Variants in GPM6B observed in about 807,000 individuals in gnomAD.
GPM6B encodes the protein glycoprotein M6B, also known as neuronal membrane glycoprotein M6-b.
Under a neutral mutation model 27.2 loss-of-function variants are expected in GPM6B, and 4 were observed. The observed-to-expected ratio is 0.15, with a 90% CI of 0.07 to 0.34. The LOEUF is 0.34. Ranked by LOEUF, GPM6B falls within the 10% of genes least tolerant of loss-of-function variation. GPM6B has a pLI of 1.00. For missense variants in GPM6B, 183 were observed against 261.9 expected (o/e 0.70, Z 2.08); for synonymous variants, 124 against 103.1 (o/e 1.20, Z -1.23).
chrX:13,859,268 T>C (rs1569265592), intron 1 of GPM6B, among the ~76,000 whole-genome samples: 1 of 112,112 alleles, frequency 8.9e-6, no homozygotes, highest in Non-Finnish European at 1.9e-5. Flanking sequence ...TGGCAACCAC[T>C]GATCTACTTT....
At chrX:13,777,158 A>G (rs1243297535) in intron 6 of GPM6B, among the ~76,000 whole-genome samples, 194 bp downstream of exon 6, 6 of 112,059 alleles carry the variant, frequency 5.4e-5, no homozygotes, top group African/African-American at 1.9e-4. Flanking sequence ...GTGTTGGACC[A>G]TATGAAGTGA....
intron 1 of GPM6B, among the ~76,000 whole-genome samples, chrX:13,902,352 T>C (rs1199821589): frequency 1.8e-5 from 2 of 110,866 alleles, no homozygotes; most frequent in Admixed American, 9.6e-5. Flanking sequence ...GCATTTACGT[T>C]GATTATTTCA....
At position 13,937,289 on chromosome X, in the gene GPM6B, A is replaced by G. The variant is rs1921885444; in HGVS notation, c.-198+1038T>C. Among the ~76,000 whole-genome samples the G allele has an allele frequency of 2.7e-5, 3 of 112,094 alleles. No individual in the cohort carries two copies. In the Admixed American group the frequency reaches 2.8e-4, roughly 11 times the overall value. On this transcript the variant is annotated intron_variant, in intron 1 of 6. Transcript: ENST00000398361. Reference sequence around the variant, plus strand: ...TAAATTTTTTAAAAATGTAAACCAGAAAATTATTTGAGCTTCCTTTGAAAT... The same window carrying G: ...TAAATTTTTTAAAAATGTAAACCAGGAAATTATTTGAGCTTCCTTTGAAAT...
chrX:13,921,059 T>C (rs1011159302), intron 1 of GPM6B, among the ~76,000 whole-genome samples: 2 of 112,426 alleles, frequency 1.8e-5, no homozygotes, highest in Non-Finnish European at 3.7e-5. Context: ...TTTTATATCA[T>C]ATATGCTATC....
intron 6 of GPM6B, among the ~76,000 whole-genome samples, chrX:13,776,619 G>A (rs1010402938): frequency 4.5e-5 from 5 of 112,325 alleles, no homozygotes; most frequent in Non-Finnish European, 9.4e-5. Context: ...TCAAGCCACT[G>A]CATATTATGG....
At chrX:13,837,567 C>A (rs1361040502) in intron 1 of GPM6B, among the ~76,000 whole-genome samples, 1 of 111,299 alleles carries the variant, frequency 9.0e-6, no homozygotes, top group African/African-American at 3.3e-5. Flanking sequence ...CATAATGCCA[C>A]CTTCTCCTCT....
chrX:13,804,784 C>A (rs1388291604), intron 2 of GPM6B, among the ~76,000 whole-genome samples: 1 of 89,492 alleles, frequency 1.1e-5, no homozygotes, highest in Non-Finnish European at 2.1e-5. Flanking sequence ...AGGCTGACAA[C>A]TCTGCAAAAA....
chrX:13,860,871 G>C (rs1003723894), intron 1 of GPM6B, among the ~76,000 whole-genome samples: 1 of 108,578 alleles, frequency 9.2e-6, no homozygotes, highest in Non-Finnish European at 1.9e-5. Context: ...ATACAACTGA[G>C]AACATGCAAT....
intron 1 of GPM6B, among the ~76,000 whole-genome samples, chrX:13,858,519 C>T (rs1233374534): frequency 9.0e-6 from 1 of 111,582 alleles, no homozygotes; most frequent in Non-Finnish European, 1.9e-5. Context: ...AGGGTAAGAA[C>T]CAGTACACAC....
At chrX:13,813,919 A>T (rs1347112146) in intron 1 of GPM6B, among the ~76,000 whole-genome samples, 1 of 112,352 alleles carries the variant, frequency 8.9e-6, no homozygotes, top group African/African-American at 3.2e-5. Context: ...TTCCTTAAAA[A>T]TCCCTAAATA....
At chrX:13,856,708 T>TTA (rs56181406) in intron 1 of GPM6B, among the ~76,000 whole-genome samples, 18 of 41,538 alleles carry the variant, frequency 4.3e-4, no homozygotes, top group African/African-American at 9.0e-4. Context: ...TTTTTTATTA[T>TTA]TTTTTTTTTT....
At chrX:13,776,070 A>G (rs2048407786) in intron 7 of GPM6B, 168 bp downstream of exon 7, 3 of 475,693 alleles carry the variant, frequency 6.3e-6, no homozygotes, top group Admixed American at 6.4e-5. Context: ...CAACCAACTA[A>G]TACTTTCTGT....
chrX:13,846,486 T>A (rs368741685), intron 1 of GPM6B, among the ~76,000 whole-genome samples: 101 of 111,293 alleles, frequency 9.1e-4, no homozygotes, highest in Middle Eastern at 9.3e-3. Context: ...CATCTTTTTT[T>A]TTATTTTTTA....
At chrX:13,837,989 A>G (rs972526771) in intron 1 of GPM6B, among the ~76,000 whole-genome samples, 1 of 111,354 alleles carries the variant, frequency 9.0e-6, no homozygotes, top group Non-Finnish European at 1.9e-5. Context: ...ATGGAGCATG[A>G]CATCACCTTT....
At chrX:13,838,671 A>C (rs753055755) in intron 1 of GPM6B, among the ~76,000 whole-genome samples, 1 of 112,141 alleles carries the variant, frequency 8.9e-6, no homozygotes, top group East Asian at 2.8e-4. Flanking sequence ...AGGCTCTGGA[A>C]GGCCCATGCA....
At chrX:13,856,587 C>T (rs991104265) in intron 1 of GPM6B, among the ~76,000 whole-genome samples, 4 of 112,347 alleles carry the variant, frequency 3.6e-5, no homozygotes, top group South Asian at 3.7e-4. Context: ...CGAATGACCA[C>T]GGATTTAATC....
In GPM6B at chrX:13,845,269, C is replaced by T. The variant is rs146881672; in HGVS notation, c.-197-59461G>A. ...CCTCCCAAAGTGCCGGGATTACAGGCATGAGCCACTGCACCTGGCCAGAAT... is the reference window on the plus strand; with the variant it reads ...CCTCCCAAAGTGCCGGGATTACAGGTATGAGCCACTGCACCTGGCCAGAAT... On this transcript the variant is annotated intron_variant, in intron 1 of 6. Coordinates refer to the GPM6B transcript ENST00000398361. 1.7e-4 allele frequency among the ~76,000 whole-genome samples: 19 copies of T among 112,043 alleles called. No homozygotes were observed. The East Asian group carries it at 5.3e-3, about 31-fold the overall frequency.
At chrX:13,874,526 C>A (rs1327170792) in intron 1 of GPM6B, among the ~76,000 whole-genome samples, 1 of 86,049 alleles carries the variant, frequency 1.2e-5, no homozygotes, top group Non-Finnish European at 2.3e-5. Context: ...GGTGAAACCC[C>A]ATCTCTACTA....
chrX:13,864,044 TTGG>T (rs1484672461), intron 1 of GPM6B, among the ~76,000 whole-genome samples: 1 of 111,412 alleles, frequency 9.0e-6, no homozygotes, highest in African/African-American at 3.3e-5. Context: ...CAGTGAGAGG[TTGG>T]TGAAGACAAG....
Sources: allele counts gnomAD v4.1 joint callset (sites outside exome capture counted in the v4.1 genomes callset), GRCh38; gene constraint gnomAD v4.1.1; transcripts MANE v1.5; gene names NCBI Gene and HGNC (gene_info 2026-07-23, HGNC 2026-07-21).